Variants in PARP15 observed in about 807,000 individuals in gnomAD.
The protein encoded by PARP15 is protein mono-ADP-ribosyltransferase PARP15.
PARP15 carries 50 observed loss-of-function variants against 62.1 expected under a neutral mutation model. The observed-to-expected ratio is 0.81, with a 90% confidence interval of 0.64 to 1.02. The LOEUF is 1.02. PARP15 is among the 50% of genes least tolerant of loss of function. PARP15 has a pLI of 0.00. For synonymous variants in PARP15, 309 were observed against 293.1 expected (o/e 1.05, Z -0.55); for missense variants, 820 against 826.5 (o/e 0.99, Z 0.10).
chr3:122,628,157 A>G (rs1936848784), intron 9 of PARP15, among the ~76,000 whole-genome samples: 1 of 152,218 alleles, frequency 6.6e-6, no homozygotes, highest in Non-Finnish European at 1.5e-5. Context: ...CAGTTTCAAG[A>G]GGAAAGAGTA....
intron 1 of PARP15, among the ~76,000 whole-genome samples, chr3:122,598,350 C>T (rs902523091): frequency 6.6e-6 from 1 of 152,238 alleles, no homozygotes; most frequent in African/African-American, 2.4e-5. Flanking sequence ...CTGGGTGATT[C>T]TGGCTCAGTA....
Position 122,610,659 on chromosome 3 carries a change from A to C in PARP15, c.472A>C (p.Asn158His). The C allele has an allele frequency of 6.4e-7, 1 of 1,551,190 alleles. No individual in the cohort carries two copies. The highest frequency in any genetic ancestry group is 8.7e-7 in the Non-Finnish European group (1 of 1,146,662). ...VGNIFMTSGC[N>H]LDCKAVLHAV... ...TAACATATTCATGACAAGCGGCTGC[A>C]ATCTGGACTGCAAAGCTGTGCTCCA... is the stretch of plus-strand genomic sequence containing the variant. Residue 158 changes from asparagine (N) to histidine (H), a missense_variant, in exon 3 of 12, where the codon AAT becomes CAT. By Grantham distance (68) the Asn-to-His change is moderately conservative. Coordinates refer to ENST00000464300, the MANE Select transcript of PARP15 (RefSeq NM_001113523.3).
rs192841567 is a variant in PARP15, at chr3:122,584,567, T to G, written c.186+6714T>G. On this transcript the variant is annotated intron_variant, in intron 1 of 11. Transcript: ENST00000464300. ...TCATGTTAAGGAAATATTCATCCAT[T>G]TCTTTCCTTTTTTTTTTTTTTCCGA... Among the ~76,000 whole-genome samples, 596 of 129,828 alleles carry G rather than the reference T, an allele frequency of 4.6e-3. 3 individuals carry two copies. Among genetic ancestry groups the G allele is most frequent in the Non-Finnish European group, 6.4e-3 (390 of 60,572 alleles). 85.2% of individuals were successfully genotyped at this position (129,828 alleles called of 152,430 possible). A position where few individuals can be genotyped will look rare whatever the true frequency, so the allele number is the denominator to read the frequency against.
At chr3:122,630,917 C>T (rs1432588339) in intron 9 of PARP15, among the ~76,000 whole-genome samples, 1 of 152,138 alleles carries the variant, frequency 6.6e-6, no homozygotes, top group East Asian at 1.9e-4. Context: ...AAAACTCACC[C>T]AGAAGTGGTG....
intron 1 of PARP15, among the ~76,000 whole-genome samples, chr3:122,593,750 A>C (rs1246122451): frequency 6.6e-6 from 1 of 152,086 alleles, no homozygotes. Flanking sequence ...CCTGCCCCAA[A>C]CTGGGAAATC....
At chr3:122,595,443 C>T (rs529009537) in intron 1 of PARP15, among the ~76,000 whole-genome samples, 2 of 152,212 alleles carry the variant, frequency 1.3e-5, no homozygotes, top group Non-Finnish European at 2.9e-5. Flanking sequence ...TACTCGATCT[C>T]TTAGCAGCAT....
chr3:122,620,784 T>C (rs1936289853), intron 7 of PARP15, among the ~76,000 whole-genome samples: 1 of 151,554 alleles, frequency 6.6e-6, no homozygotes, highest in Non-Finnish European at 1.5e-5. Context: ...TCATGGGTGC[T>C]CCTCAGGAGG....
chr3:122,631,988 A>G (rs1304281853), intron 9 of PARP15, 98 bp from the exon 10 acceptor site: 7 of 1,340,534 alleles, frequency 5.2e-6, no homozygotes, highest in African/African-American at 2.9e-5. Flanking sequence ...TTTAAAGACC[A>G]GGTTTGGATG....
chr3:122,618,927 A>G (rs1339583603), intron 6 of PARP15, among the ~76,000 whole-genome samples: 1 of 152,222 alleles, frequency 6.6e-6, no homozygotes, highest in Non-Finnish European at 1.5e-5. Flanking sequence ...AGATCACTTG[A>G]CATTTGAGGA....
At chr3:122,582,399 A>G (rs1933025015) in intron 1 of PARP15, among the ~76,000 whole-genome samples, 1 of 151,728 alleles carries the variant, frequency 6.6e-6, no homozygotes, top group African/African-American at 2.4e-5. Context: ...CTGGTCTTGA[A>G]CCCCCAGACT....
In PARP15 at chr3:122,635,016, G is replaced by A. The variant is rs779609794; in HGVS notation, c.1573-4G>A. 4 of 1,613,486 alleles carry A rather than the reference G, an allele frequency of 2.5e-6. No individual in the cohort carries two copies. Among genetic ancestry groups the A allele is most frequent in the Non-Finnish European group, 2.5e-6 (3 of 1,179,782 alleles). On this transcript the variant is annotated splice_region_variant and splice_polypyrimidine_tract_variant and intron_variant, in intron 10 of 11. Coordinates refer to ENST00000464300, the MANE Select transcript of PARP15 (RefSeq NM_001113523.3). ...TGAAATATTTTGTCTTTTGTTACCT[G>A]CAGATTGAGAGGATACAGAATGCAT...
intron 7 of PARP15, 72 bp downstream of exon 7, chr3:122,619,915 A>T (rs903784028): frequency 7.2e-7 from 1 of 1,382,856 alleles, no homozygotes; most frequent in Non-Finnish European, 1.0e-6. Context: ...GAGGATGTAC[A>T]GGAGGACTGG....
chr3:122,612,334 T>TACTA (rs1935626316), intron 3 of PARP15, among the ~76,000 whole-genome samples: 2 of 151,694 alleles, frequency 1.3e-5, no homozygotes, highest in Admixed American at 1.3e-4. Context: ...GGATTACAGG[T>TACTA]GTGAACCACT....
At chr3:122,600,519 C>T (rs1458786636) in intron 1 of PARP15, among the ~76,000 whole-genome samples, 1 of 152,130 alleles carries the variant, frequency 6.6e-6, no homozygotes, top group Non-Finnish European at 1.5e-5. Context: ...TTGCATTCCA[C>T]CCCACTCATT....
intron 11 of PARP15, 52 bp downstream of exon 11, chr3:122,635,246 G>A: frequency 6.5e-7 from 1 of 1,548,328 alleles, no homozygotes; most frequent in Non-Finnish European, 8.8e-7. Flanking sequence ...AATAGTCTCA[G>A]ACTTTTCATA....
At position 122,628,005 on chromosome 3, in the gene PARP15, T is replaced by G. The variant is rs958411393; in HGVS notation, c.1438+972T>G. On this transcript the variant is annotated intron_variant, in intron 9 of 11. Transcript: ENST00000464300. ...ATTCCTGGGTTCAGGTACAGTTTGG[T>G]CCAGGTGCTCATATAATAATATCAT... Among the ~76,000 whole-genome samples, 4 of 152,234 alleles carry G rather than the reference T, an allele frequency of 2.6e-5. No homozygotes were observed. The East Asian group carries it at 7.7e-4, about 29-fold the overall frequency.
chr3:122,591,587 T>TAC (rs1933916841), intron 1 of PARP15, among the ~76,000 whole-genome samples: 1 of 152,024 alleles, frequency 6.6e-6, no homozygotes, highest in Non-Finnish European at 1.5e-5. Context: ...ATGGTGAAAC[T>TAC]GCATCTCTAC....
At chr3:122,619,714 G>A (rs1189689620) in intron 6 of PARP15, 67 bp from the exon 7 acceptor site, 21 of 1,351,020 alleles carry the variant, frequency 1.6e-5, no homozygotes, top group East Asian at 2.3e-5. Flanking sequence ...GAAGTCTAAT[G>A]TACAAAAACT....
At chr3:122,635,234 A>G (rs767912763) in intron 11 of PARP15, 40 bp downstream of exon 11, 10 of 1,588,726 alleles carry the variant, frequency 6.3e-6, no homozygotes, top group Non-Finnish European at 8.6e-6. Context: ...AATAAGGCAA[A>G]CAATAGTCTC....
Sources: allele counts gnomAD v4.1 joint callset (sites outside exome capture counted in the v4.1 genomes callset), GRCh38; gene constraint gnomAD v4.1.1; transcripts MANE v1.5; gene names NCBI Gene and HGNC (gene_info 2026-07-23, HGNC 2026-07-21).